MMP26: variants seen among roughly 807,000 people sequenced by gnomAD.
MMP26 encodes the protein matrix metallopeptidase 26.
MMP26 carries 33 observed loss-of-function variants against 31.0 expected under a neutral mutation model. The observed-to-expected ratio is 1.06, with a 90% CI of 0.81 to 1.42. The LOEUF (loss-of-function observed/expected upper bound fraction) is 1.42, where lower values mean the gene tolerates loss of function less well. Among genes scored for constraint, MMP26 ranks in the 40% most tolerant of loss-of-function variants. The pLI is 0.00. For synonymous variants in MMP26, 122 were observed against 114.9 expected (o/e 1.06, Z -0.40); for missense variants, 347 against 316.1 (o/e 1.10, Z -0.74).
chr11:4,915,026 C>A (rs762927555), intron 2 of MMP26: 1 of 1,614,074 alleles, frequency 6.2e-7, no homozygotes, highest in Admixed American at 1.7e-5. Flanking sequence ...TGAGTCTATA[C>A]CCACTGTAGA....
intron 2 of MMP26, among the ~76,000 whole-genome samples, chr11:4,806,772 A>G (rs1849276037): frequency 6.6e-6 from 1 of 152,178 alleles, no homozygotes; most frequent in South Asian, 2.1e-4. Context: ...TTTGCTCAAA[A>G]CAAATACTTG....
In MMP26 at chr11:4,881,909, T is replaced by C. The variant is rs747901368; in HGVS notation, c.-144-106159T>C. On this transcript the variant is annotated intron_variant, in intron 2 of 7. Coordinates refer to ENST00000380390, the MANE Select transcript of MMP26 (RefSeq NM_021801.5). ...GTGTCTTCAACCAACCATGGCAATATTCAATAACACCACTTCGTCTTCCTC... is the reference window on the plus strand; with the variant it reads ...GTGTCTTCAACCAACCATGGCAATACTCAATAACACCACTTCGTCTTCCTC... 3.7e-6 allele frequency: 6 copies of C among 1,612,188 alleles called. No homozygotes were observed. The Admixed American group carries it at 1.0e-4, about 27-fold the overall frequency.
chr11:4,721,571 A>T (rs1314572958), intron 1 of MMP26, among the ~76,000 whole-genome samples: 1 of 152,064 alleles, frequency 6.6e-6, no homozygotes, highest in African/African-American at 2.4e-5. Context: ...TCATCTTTCC[A>T]ATTGCTCTCA....
chr11:4,930,157 T>C (rs964422073), intron 2 of MMP26, among the ~76,000 whole-genome samples: 2 of 152,094 alleles, frequency 1.3e-5, no homozygotes, highest in African/African-American at 4.8e-5. Context: ...ACTATTAAAG[T>C]ACAGTTTTTT....
At chr11:4,824,944 C>T (rs1462535944) in intron 2 of MMP26, among the ~76,000 whole-genome samples, 1 of 152,094 alleles carries the variant, frequency 6.6e-6, no homozygotes, top group East Asian at 1.9e-4. Context: ...CATTTGATTC[C>T]GGTTAGTCCA....
intron 2 of MMP26, among the ~76,000 whole-genome samples, chr11:4,857,040 A>G (rs1277960348): frequency 1.3e-5 from 2 of 152,190 alleles, no homozygotes; most frequent in Admixed American, 6.5e-5. Flanking sequence ...CAAAGACACA[A>G]CATACCAGAA....
At chr11:4,723,950 G>T in intron 1 of MMP26, 1 of 788,176 alleles carries the variant, frequency 1.3e-6, no homozygotes, top group Non-Finnish European at 2.3e-6. Context: ...AGGTTAAGGG[G>T]ACTCAGCAGG....
At chr11:4,855,714 A>G (rs140869564) in intron 2 of MMP26, among the ~76,000 whole-genome samples, 1,677 of 152,298 alleles carry the variant, frequency 0.011, 18 homozygotes, top group Non-Finnish European at 0.017. Flanking sequence ...TTCAGGAAAT[A>G]TAGAGAACGC....
chr11:4,723,386 A>G (rs1436914286), intron 1 of MMP26: 2 of 947,300 alleles, frequency 2.1e-6, no homozygotes, highest in South Asian at 1.3e-5. Flanking sequence ...ATCACCTTGT[A>G]CTGCGCCTTG....
At chr11:4,951,481 A>G (rs1387218860) in intron 2 of MMP26, among the ~76,000 whole-genome samples, 1 of 124,816 alleles carries the variant, frequency 8.0e-6, no homozygotes, top group Non-Finnish European at 1.8e-5. Context: ...TTTTTTGTAA[A>G]TAATATTTTT....
chr11:4,815,505 C>T (rs1849408550), intron 2 of MMP26, among the ~76,000 whole-genome samples: 1 of 151,556 alleles, frequency 6.6e-6, no homozygotes, highest in African/African-American at 2.4e-5. Context: ...TTTCTTTTGG[C>T]TTAGTGATTT....
chr11:4,848,145 G>T (rs543911134), intron 2 of MMP26: 4 of 1,346,220 alleles, frequency 3.0e-6, no homozygotes, highest in Non-Finnish European at 3.1e-6. Context: ...TTATGTGTAC[G>T]TGAATGATCA....
At chr11:4,823,140 G>A (rs892680083) in intron 2 of MMP26, among the ~76,000 whole-genome samples, 7 of 152,170 alleles carry the variant, frequency 4.6e-5, no homozygotes, top group African/African-American at 1.7e-4. Flanking sequence ...CAGAGCAAAG[G>A]CTGGCTGATA....
intron 2 of MMP26, chr11:4,908,368 G>C: frequency 7.2e-7 from 1 of 1,394,520 alleles, no homozygotes; most frequent in Non-Finnish European, 1.0e-6. Flanking sequence ...CATTTGCTAT[G>C]TGCTTAATGC....
chr11:4,923,597 C>T, intron 2 of MMP26: 1 of 1,613,996 alleles, frequency 6.2e-7, no homozygotes, highest in Non-Finnish European at 8.5e-7. Context: ...CAGTACAGCA[C>T]AGATATGAGA....
intron 2 of MMP26, among the ~76,000 whole-genome samples, chr11:4,846,506 T>G (rs1388829108): frequency 2.0e-5 from 3 of 152,132 alleles, no homozygotes; most frequent in Non-Finnish European, 4.4e-5. Context: ...ATAGAGTGAC[T>G]CTAGTCAATA....
intron 2 of MMP26, among the ~76,000 whole-genome samples, chr11:4,818,854 T>G (rs1353647420): frequency 6.6e-6 from 1 of 152,178 alleles, no homozygotes; most frequent in African/African-American, 2.4e-5. Context: ...GTGACTATAT[T>G]AATAAAATAC....
chr11:4,848,310 C>T lies in MMP26; in HGVS notation c.-145+80969C>T, dbSNP rs771463418. On this transcript the variant is annotated intron_variant, in intron 2 of 7. Transcript: ENST00000380390. The stretch of plus-strand genomic sequence containing the variant: ...CTTTCTAATCTCCTTCATCTTGACA[C>T]TATAGAGAATAGGGTTTATCAATGG... The T allele has an allele frequency of 6.2e-6, 10 of 1,613,858 alleles. No homozygotes were observed. The South Asian group carries it at 8.8e-5, about 14-fold the overall frequency.
intron 2 of MMP26, among the ~76,000 whole-genome samples, chr11:4,883,463 TTTC>T (rs1331324699): frequency 6.6e-6 from 1 of 152,162 alleles, no homozygotes; most frequent in African/African-American, 2.4e-5. Flanking sequence ...TTTAATCCCT[TTTC>T]TTCTTATAGA....
Sources: allele counts gnomAD v4.1 joint callset (sites outside exome capture counted in the v4.1 genomes callset), GRCh38; gene constraint gnomAD v4.1.1; transcripts MANE v1.5; gene names NCBI Gene and HGNC (gene_info 2026-07-23, HGNC 2026-07-21).